The following ACVR1C variants were observed in gnomAD, a reference collection of about 807,000 sequenced individuals.
ACVR1C encodes activin A receptor type 1C.
A neutral mutation model predicts 57.9 loss-of-function variants in ACVR1C; 23 were observed. That is an observed-to-expected ratio of 0.40 (90% confidence interval 0.29 to 0.56). The LOEUF is 0.56. Ranked by LOEUF, ACVR1C falls within the 20% of genes least tolerant of loss-of-function variation. ACVR1C has a pLI of 0.50. For synonymous variants in ACVR1C, 214 were observed against 215.3 expected, an observed-to-expected ratio of 0.99 and a Z score of 0.05; for missense variants, 480 against 607.9, an observed-to-expected ratio of 0.79 and a Z score of 2.21.
intron 1 of ACVR1C, among the ~76,000 whole-genome samples, chr2:157,589,682 A>G (rs904708251): frequency 6.6e-6 from 1 of 151,960 alleles, no homozygotes; most frequent in Non-Finnish European, 1.5e-5. Context: ...ATATCCTAAA[A>G]TTTTTATGGA....
At chr2:157,587,943 CTTTATA>C (rs1293527640) in intron 1 of ACVR1C, among the ~76,000 whole-genome samples, 3 of 151,980 alleles carry the variant, frequency 2.0e-5, no homozygotes, top group Non-Finnish European at 4.4e-5. Flanking sequence ...AGTTGTGACA[CTTTATA>C]TTTATTTTCT....
At chr2:157,572,959 C>G (rs1688556557) in intron 2 of ACVR1C, among the ~76,000 whole-genome samples, 1 of 152,030 alleles carries the variant, frequency 6.6e-6, no homozygotes, top group African/African-American at 2.4e-5. Context: ...CACATGTCAC[C>G]TTTTCCTGAC....
At chr2:157,613,094 C>G (rs942112116) in intron 1 of ACVR1C, among the ~76,000 whole-genome samples, 2 of 152,340 alleles carry the variant, frequency 1.3e-5, no homozygotes, top group African/African-American at 2.4e-5. Flanking sequence ...TGCTAAGGGT[C>G]TCTCACTTAC....
intron 4 of ACVR1C, among the ~76,000 whole-genome samples, chr2:157,549,058 C>G (rs1316365676): frequency 2.6e-5 from 4 of 152,054 alleles, no homozygotes; most frequent in Non-Finnish European, 4.4e-5. Flanking sequence ...TAAATAGCTG[C>G]TATTCAAAAC....
At position 157,544,510 on chromosome 2, in the gene ACVR1C, A is replaced by C. The variant is rs116070910; in HGVS notation, c.878T>G (p.Ile293Ser). 21 of 1,614,132 alleles carry C rather than the reference A, an allele frequency of 1.3e-5. No individual in the cohort carries two copies. In the East Asian group the frequency reaches 3.6e-4, roughly 27 times the overall value. Residue 293 changes from isoleucine (I) to serine (S), a missense_variant, in exon 5 of 9, where the codon ATC (isoleucine) becomes AGC (serine). Coordinates refer to ENST00000243349, the MANE Select transcript of ACVR1C (RefSeq NM_145259.3). The stretch of plus-strand genomic sequence containing the variant: ...ACTAGCAATTGAGAGCGCCAGCTTG[A>C]TCATTCCAGCCACGGTCACTATATT... ...NRNIVTVAGM[I>S]KLALSIASGL...
chr2:157,535,811 C>T (rs1231625288), intron 8 of ACVR1C, among the ~76,000 whole-genome samples: 1 of 152,140 alleles, frequency 6.6e-6, no homozygotes, highest in African/African-American at 2.4e-5. Flanking sequence ...AGTAGCTATG[C>T]AGGACCATGG....
At chr2:157,534,155 T>TTA in intron 8 of ACVR1C, 112 bp from the exon 9 acceptor site, 2 of 880,860 alleles carry the variant, frequency 2.3e-6, no homozygotes, top group South Asian at 3.1e-5. Context: ...TTTTTTTTTT[T>TTA]AAGAGATGGG....
At chr2:157,548,851 G>C (rs80025614) in intron 4 of ACVR1C, among the ~76,000 whole-genome samples, 2,026 of 152,204 alleles carry the variant, frequency 0.013, 53 homozygotes, top group African/African-American at 0.046. Flanking sequence ...TAATAGAAAA[G>C]TTCACTAAAA....
Position 157,533,866 on chromosome 2 carries a change from G to T in ACVR1C, c.*52C>A. On this transcript the variant is annotated 3_prime_UTR_variant, in exon 9 of 9. Coordinates refer to ENST00000243349, the MANE Select transcript of ACVR1C (RefSeq NM_145259.3). ...ATGGCAAAAACATTCACATAAAGGGGAAAATGGAAAAGAAAGCTATGAGAG... is the reference window on the plus strand; with the variant it reads ...ATGGCAAAAACATTCACATAAAGGGTAAAATGGAAAAGAAAGCTATGAGAG... The T allele has an allele frequency of 6.8e-7, 1 of 1,471,838 alleles. No individual in the cohort carries two copies. 91.2% of individuals were successfully genotyped at this position (1,471,838 alleles called of 1,614,324 possible). A position where few individuals can be genotyped will look rare whatever the true frequency, so the allele number is the denominator to read the frequency against.
chr2:157,615,234 A>C (rs1682616285), intron 1 of ACVR1C, among the ~76,000 whole-genome samples: 1 of 151,954 alleles, frequency 6.6e-6, no homozygotes, highest in African/African-American at 2.4e-5. Context: ...TGGGAGGCCA[A>C]GGCAGGAGGA....
At chr2:157,554,268 A>AAAGAAAGGAAGAAAGAAAGG (rs1261113225) in intron 3 of ACVR1C, among the ~76,000 whole-genome samples, 1 of 113,562 alleles carries the variant, frequency 8.8e-6, no homozygotes, top group African/African-American at 5.2e-5. Context: ...AGAAAGAAAG[A>AAAGAAAGGAAGAAAGAAAGG]AAGGAAGGAA....
intron 2 of ACVR1C, among the ~76,000 whole-genome samples, chr2:157,583,374 G>A (rs1232573716): frequency 6.6e-6 from 1 of 152,138 alleles, no homozygotes; most frequent in Non-Finnish European, 1.5e-5. Context: ...AGTAACTGGA[G>A]AACTAAATAG....
chr2:157,554,201 G>GAGAGAGAGAAAGAAAGAA (rs1553481316), intron 3 of ACVR1C, among the ~76,000 whole-genome samples: 12 of 41,442 alleles, frequency 2.9e-4, no homozygotes, highest in African/African-American at 1.4e-3. Flanking sequence ...ATAAAGAAGA[G>GAGAGAGAGAAAGAAAGAA]AGAAAGAAAG....
intron 1 of ACVR1C, among the ~76,000 whole-genome samples, chr2:157,615,326 A>C (rs1338154904): frequency 6.6e-6 from 1 of 151,664 alleles, no homozygotes; most frequent in Non-Finnish European, 1.5e-5. Flanking sequence ...TACAAAAAAA[A>C]AAAAAAACAC....
chr2:157,614,970 A>G (rs1255305710), intron 1 of ACVR1C, among the ~76,000 whole-genome samples: 1 of 152,150 alleles, frequency 6.6e-6, no homozygotes, highest in Non-Finnish European at 1.5e-5. Flanking sequence ...CAGTCTTTTC[A>G]TTGCTATACT....
At chr2:157,534,613 A>T (rs1435283117) in intron 8 of ACVR1C, among the ~76,000 whole-genome samples, 1 of 152,234 alleles carries the variant, frequency 6.6e-6, no homozygotes, top group East Asian at 1.9e-4. Flanking sequence ...AATGTAAATT[A>T]TACTACAATA....
intron 3 of ACVR1C, 98 bp downstream of exon 3, chr2:157,555,995 G>GAA (rs1688089501): frequency 7.4e-6 from 10 of 1,358,474 alleles, no homozygotes; most frequent in Non-Finnish European, 8.9e-6. Context: ...TTTCAAGACG[G>GAA]AATTCATAAT....
rs754514695 is a variant in ACVR1C at position 157,528,981 on chromosome 2, C to T, written c.*4937G>A. On this transcript the variant is annotated 3_prime_UTR_variant, in exon 9 of 9. Coordinates refer to ENST00000243349, the MANE Select transcript of ACVR1C (RefSeq NM_145259.3). The stretch of plus-strand genomic sequence containing the variant: ...AAGAAATACAGGAATTATAGAGTGA[C>T]TTGGGATTGATGAGATCTGCCAAAC... 3 of 151,990 alleles carry T rather than the reference C, an allele frequency of 2.0e-5. No homozygotes were observed. Among genetic ancestry groups the T allele is most frequent in the Non-Finnish European group, 4.4e-5 (3 of 67,992 alleles). The allele number at this position is 151,990 out of a possible 1,614,324, so 9.4% of individuals were successfully genotyped here. A position where few individuals can be genotyped will look rare whatever the true frequency, so the allele number is the denominator to read the frequency against.
intron 1 of ACVR1C, among the ~76,000 whole-genome samples, chr2:157,612,769 A>G (rs1226625994): frequency 6.6e-6 from 1 of 152,148 alleles, no homozygotes; most frequent in Non-Finnish European, 1.5e-5. Flanking sequence ...GGAGCACACA[A>G]CGCTTTTGGG....
Sources: allele counts gnomAD v4.1 joint callset (sites outside exome capture counted in the v4.1 genomes callset), GRCh38; gene constraint gnomAD v4.1.1; transcripts MANE v1.5; gene names NCBI Gene and HGNC (gene_info 2026-07-23, HGNC 2026-07-21).